The following PCDHGB3 variants were observed in gnomAD, a reference collection of about 807,000 sequenced individuals.
The protein encoded by PCDHGB3 is protocadherin gamma subfamily B, 3.
PCDHGB3 carries 40 observed loss-of-function variants against 59.2 expected under a neutral mutation model. The observed-to-expected ratio is 0.68, with a 90% CI of 0.52 to 0.88. PCDHGB3 has a LOEUF of 0.88. Ranked by LOEUF, PCDHGB3 falls within the 40% of genes least tolerant of loss-of-function variation. PCDHGB3 has a pLI of 0.00. For synonymous variants in PCDHGB3, 581 were observed against 503.6 expected (o/e 1.15, Z -2.06); for missense variants, 1,309 against 1,187.9 (o/e 1.10, Z -1.50).
At chr5:141,419,239 C>A in intron 1 of PCDHGB3, 3 of 1,614,008 alleles carry the variant, frequency 1.9e-6, no homozygotes, top group Non-Finnish European at 2.5e-6. Flanking sequence ...ACCTGGTCCA[C>A]GTGCCAGAAA....
At chr5:141,399,362 C>G (rs182743080) in intron 1 of PCDHGB3, 1 of 1,613,872 alleles carries the variant, frequency 6.2e-7, no homozygotes, top group Non-Finnish European at 8.5e-7. Context: ...GAGCAAACCC[C>G]GGAGTACAAT....
chr5:141,375,862 G>A (rs759161440), intron 1 of PCDHGB3: 2 of 1,613,976 alleles, frequency 1.2e-6, no homozygotes, highest in Admixed American at 1.7e-5. Context: ...AGGTGGTGGC[G>A]GTGGACAGAG....
chr5:141,472,533 C>A (rs1200612581), intron 1 of PCDHGB3, among the ~76,000 whole-genome samples: 3 of 150,970 alleles, frequency 2.0e-5, no homozygotes, highest in African/African-American at 7.3e-5. Flanking sequence ...GAGTGAGACA[C>A]CATCTCAAGA....
At chr5:141,482,382 T>C (rs935517099) in intron 1 of PCDHGB3, among the ~76,000 whole-genome samples, 1 of 152,146 alleles carries the variant, frequency 6.6e-6, no homozygotes, top group Admixed American at 6.6e-5. Context: ...ATAAAGTCCC[T>C]GTATGGAGCA....
chr5:141,495,735 T>C (rs1595351919), intron 2 of PCDHGB3, among the ~76,000 whole-genome samples: 1 of 152,044 alleles, frequency 6.6e-6, no homozygotes, highest in Admixed American at 6.5e-5. Context: ...CCTTAGTCTC[T>C]TTCTCCTTCT....
At chr5:141,474,126 A>G (rs1450071391) in intron 1 of PCDHGB3, among the ~76,000 whole-genome samples, 2 of 152,232 alleles carry the variant, frequency 1.3e-5, no homozygotes, top group African/African-American at 4.8e-5. Context: ...AAAATCTCAG[A>G]AAACTACAGG....
At chr5:141,500,145 T>C (rs2099796736) in intron 2 of PCDHGB3, among the ~76,000 whole-genome samples, 2 of 151,992 alleles carry the variant, frequency 1.3e-5, no homozygotes, top group East Asian at 3.9e-4. Context: ...TAAACTTTTC[T>C]TTGTGTAATC....
Position 141,476,836 on chromosome 5 carries a change from T to G in PCDHGB3, c.2416-17971T>G. 1 of 1,613,652 alleles carries G rather than the reference T, an allele frequency of 6.2e-7. No homozygotes were observed. The highest frequency in any genetic ancestry group is 8.5e-7 in the Non-Finnish European group (1 of 1,180,042). On this transcript the variant is annotated intron_variant, in intron 1 of 3. Coordinates refer to ENST00000576222, the MANE Select transcript of PCDHGB3 (RefSeq NM_018924.5). The surrounding 1 kb of genome is among the most constrained non-coding windows in gnomAD (Gnocchi z 7.6). ...TCAAGGTGCTGGACGCGAATGACAATGCGCCTGTCTTCAACCAGTCCTTGT... is the reference window on the plus strand; with the variant it reads ...TCAAGGTGCTGGACGCGAATGACAAGGCGCCTGTCTTCAACCAGTCCTTGT...
intron 1 of PCDHGB3, among the ~76,000 whole-genome samples, chr5:141,381,832 T>TTTG (rs1185630457): frequency 7.4e-6 from 1 of 135,134 alleles, no homozygotes; most frequent in Non-Finnish European, 1.6e-5. Flanking sequence ...TCTTCTTTTT[T>TTTG]TTTTTTTTTT....
chr5:141,505,246 G>GAAGT, intron 2 of PCDHGB3, 147 bp from the exon 3 acceptor site: 3 of 1,436,674 alleles, frequency 2.1e-6, no homozygotes, highest in Non-Finnish European at 2.8e-6. Context: ...AAGGATTGTA[G>GAAGT]AAGTGCCTCC....
intron 1 of PCDHGB3, among the ~76,000 whole-genome samples, chr5:141,480,874 G>A (rs1487409799): frequency 2.6e-5 from 4 of 151,950 alleles, no homozygotes; most frequent in African/African-American, 7.3e-5. Context: ...GTGAAACCCC[G>A]TCTCTACTAA....
chr5:141,419,754 T>C, intron 1 of PCDHGB3: 1 of 1,613,924 alleles, frequency 6.2e-7, no homozygotes. Flanking sequence ...GTGCGTGCTT[T>C]GGGTGACAAG....
At chr5:141,464,580 G>A (rs1459502164) in intron 1 of PCDHGB3, among the ~76,000 whole-genome samples, 1 of 152,118 alleles carries the variant, frequency 6.6e-6, no homozygotes, top group East Asian at 1.9e-4. Context: ...AGATGAGAAT[G>A]TCCATTGTCC....
In PCDHGB3 at chr5:141,431,377, T is replaced by A; in HGVS notation, c.2415+58568T>A. 1 of 1,613,426 alleles carries A rather than the reference T, an allele frequency of 6.2e-7. No individual in the cohort carries two copies. Among genetic ancestry groups the A allele is most frequent in the Non-Finnish European group, 8.5e-7 (1 of 1,179,558 alleles). ...GCGCCCTGGACCGCGAAGAAAAGGC[T>A]GCTCACCACCTGGTCCTTACGGCCT... is the stretch of plus-strand genomic sequence containing the variant. On this transcript the variant is annotated intron_variant, in intron 1 of 3. Coordinates refer to ENST00000576222, the MANE Select transcript of PCDHGB3 (RefSeq NM_018924.5). This position sits in a 1 kb window ranked among gnomAD's most constrained non-coding sequence, Gnocchi z 4.8.
At chr5:141,466,765 G>A (rs1199343616) in intron 1 of PCDHGB3, among the ~76,000 whole-genome samples, 1 of 151,996 alleles carries the variant, frequency 6.6e-6, no homozygotes, top group African/African-American at 2.4e-5. Context: ...TTTTCAAACT[G>A]TTATCTTATT....
At chr5:141,463,075 A>G (rs943294678) in intron 1 of PCDHGB3, among the ~76,000 whole-genome samples, 3 of 152,180 alleles carry the variant, frequency 2.0e-5, no homozygotes, top group East Asian at 1.9e-4. Context: ...ATGAAATTCA[A>G]ACATTTTCCA....
chr5:141,503,367 C>T (rs1038565489), intron 2 of PCDHGB3, among the ~76,000 whole-genome samples: 5 of 151,908 alleles, frequency 3.3e-5, no homozygotes, highest in African/African-American at 9.7e-5. Flanking sequence ...GAAGCGGAGG[C>T]AGGTGGATCA....
rs777761385 is a variant in PCDHGB3 at position 141,489,558 on chromosome 5, G to T, written c.2416-5249G>T. 1.1e-5 allele frequency: 17 copies of T among 1,614,130 alleles called. No homozygotes were observed. In the South Asian group the frequency reaches 1.8e-4, roughly 17 times the overall value. On this transcript the variant is annotated intron_variant, in intron 1 of 3. Coordinates refer to ENST00000576222, the MANE Select transcript of PCDHGB3 (RefSeq NM_018924.5). The surrounding 1 kb of genome is among the most constrained non-coding windows in gnomAD (Gnocchi z 4.5). Reference sequence around the variant, plus strand: ...CCAGCACCAGCTGCCTGCTGCCAGTGCAGGTGGTGACTGAACACCCCCTGG... The same window carrying T: ...CCAGCACCAGCTGCCTGCTGCCAGTTCAGGTGGTGACTGAACACCCCCTGG...
At chr5:141,415,129 G>C in intron 1 of PCDHGB3, 1 of 1,613,656 alleles carries the variant, frequency 6.2e-7, no homozygotes, top group African/African-American at 1.3e-5. Flanking sequence ...GGCCGTCCAG[G>C]ACCACGGCCA....
Sources: gnomAD v4.1 joint callset for allele counts (sites outside exome capture counted in the v4.1 genomes callset) on GRCh38, gnomAD v4.1.1 for gene constraint, Gnocchi (gnomAD v3.1) non-coding constraint, MANE v1.5 for transcripts, NCBI Gene and HGNC (gene_info 2026-07-23, HGNC 2026-07-21) for gene names.